PDLIM1: variants seen among roughly 807,000 people sequenced by gnomAD.
PDLIM1 encodes the protein PDZ and LIM domain protein 1.
PDLIM1 carries 25 observed loss-of-function variants against 35.2 expected under a neutral mutation model. The observed-to-expected ratio is 0.71, with a 90% CI of 0.52 to 0.99. The LOEUF (loss-of-function observed/expected upper bound fraction) is 0.99. Ranked by LOEUF, PDLIM1 falls within the 50% of genes least tolerant of loss-of-function variation. The pLI is 0.00. For synonymous variants in PDLIM1, 152 were observed against 154.0 expected, an observed-to-expected ratio of 0.99 and a Z score of 0.10; for missense variants, 363 against 415.3, an observed-to-expected ratio of 0.87 and a Z score of 1.09.
chr10:95,278,450 T>C (rs2035532358), intron 1 of PDLIM1, among the ~76,000 whole-genome samples: 1 of 152,038 alleles, frequency 6.6e-6, no homozygotes. Context: ...CACAGTCTCC[T>C]GGGGGGAGAC....
At chr10:95,263,157 A>AG (rs2035381018) in intron 4 of PDLIM1, among the ~76,000 whole-genome samples, 1 of 151,506 alleles carries the variant, frequency 6.6e-6, no homozygotes, top group African/African-American at 2.4e-5. Context: ...AAAAAAAAAA[A>AG]AAAGACTCAA....
chr10:95,272,092 A>G (rs1307957186), intron 1 of PDLIM1, among the ~76,000 whole-genome samples: 3 of 152,114 alleles, frequency 2.0e-5, no homozygotes, highest in Non-Finnish European at 4.4e-5. Context: ...GTATATTATT[A>G]TATTACTGGT....
chr10:95,238,889 A>G, intron 5 of PDLIM1: 1 of 502,378 alleles, frequency 2.0e-6, no homozygotes, highest in Non-Finnish European at 3.6e-6. Flanking sequence ...CACCTGGCCA[A>G]AGAAAAGCCC....
At chr10:95,288,554 G>GTTT (rs11385391) in intron 1 of PDLIM1, among the ~76,000 whole-genome samples, 3 of 149,078 alleles carry the variant, frequency 2.0e-5, no homozygotes, top group African/African-American at 7.4e-5. Context: ...CACTGCAGAG[G>GTTT]TTTTTTTTTT....
chr10:95,263,683 T>TATAA (rs1172618727), intron 4 of PDLIM1, among the ~76,000 whole-genome samples, 181 bp downstream of exon 4: 1 of 152,222 alleles, frequency 6.6e-6, no homozygotes, highest in Non-Finnish European at 1.5e-5. Context: ...ACAGACACCC[T>TATAA]ATAAAGCAGG....
Position 95,263,950 on chromosome 10 carries a change from G to A in PDLIM1, c.447C>T (p.Gly149=). The A allele has an allele frequency of 1.2e-6, 2 of 1,613,908 alleles. No homozygotes were observed. The highest frequency in any genetic ancestry group is 1.7e-6 in the Non-Finnish European group (2 of 1,179,920). ...VITNQYNNPA[G]LYSSENISNF... is the part of the protein sequence containing the mutation. ...TGGAGATATTTTCAGAAGAGTAGAGGCCAGCTGGGTTGTTGTACTGGTTTG... is the reference window on the plus strand; with the variant it reads ...TGGAGATATTTTCAGAAGAGTAGAGACCAGCTGGGTTGTTGTACTGGTTTG... The change falls in exon 4 of 7, where the codon GGC becomes GGT. Residue 149 remains glycine, a synonymous_variant. Transcript: ENST00000329399.
intron 5 of PDLIM1, among the ~76,000 whole-genome samples, chr10:95,241,720 T>C (rs11188247): frequency 0.16 from 24,807 of 152,172 alleles, 2,304 homozygotes; most frequent in Admixed American, 0.23. Flanking sequence ...AGGGCACTTG[T>C]GTGGTTTGGC....
intron 6 of PDLIM1, 45 bp from the exon 7 acceptor site, chr10:95,238,156 C>T (rs1780194380): frequency 6.4e-7 from 1 of 1,565,020 alleles, no homozygotes; most frequent in South Asian, 1.1e-5. Flanking sequence ...TGACAAGCAC[C>T]TGCAGGTGGC....
intron 3 of PDLIM1, among the ~76,000 whole-genome samples, chr10:95,267,084 G>A (rs1259958442): frequency 6.6e-6 from 1 of 152,216 alleles, no homozygotes; most frequent in African/African-American, 2.4e-5. Flanking sequence ...AATGATGGGT[G>A]AGAAGTTTTT....
intron 4 of PDLIM1, among the ~76,000 whole-genome samples, chr10:95,247,922 G>C (rs1165083429): frequency 6.6e-6 from 1 of 152,260 alleles, no homozygotes; most frequent in African/African-American, 2.4e-5. Flanking sequence ...CTGGTTCACA[G>C]TTTGGTGGTA....
chr10:95,267,359 A>G (rs999649447), intron 3 of PDLIM1, among the ~76,000 whole-genome samples: 1 of 152,150 alleles, frequency 6.6e-6, no homozygotes, highest in Admixed American at 6.5e-5. Flanking sequence ...AAAAATTAAA[A>G]TTTAACAATT....
chr10:95,253,831 T>G (rs2035287910), intron 4 of PDLIM1, among the ~76,000 whole-genome samples: 1 of 152,144 alleles, frequency 6.6e-6, no homozygotes, highest in Admixed American at 6.5e-5. Flanking sequence ...AGGATCTATT[T>G]TAACTATATT....
intron 5 of PDLIM1, among the ~76,000 whole-genome samples, chr10:95,240,139 G>A (rs2035165688): frequency 6.6e-6 from 1 of 152,292 alleles, no homozygotes; most frequent in East Asian, 1.9e-4. Context: ...ATTACTGGAT[G>A]TATACCCAAA....
chr10:95,262,889 T>A (rs1401103603), intron 4 of PDLIM1, among the ~76,000 whole-genome samples: 2 of 152,026 alleles, frequency 1.3e-5, no homozygotes, highest in Non-Finnish European at 2.9e-5. Context: ...ATGCCTGTAA[T>A]CCCGGAAATT....
chr10:95,273,009 T>A (rs2035478256), intron 1 of PDLIM1: 1 of 152,192 alleles, frequency 6.6e-6, no homozygotes, highest in Admixed American at 6.5e-5. Context: ...ATGAACAAGA[T>A]CCAAACTCAT....
intron 4 of PDLIM1, among the ~76,000 whole-genome samples, chr10:95,257,358 C>T (rs915502773): frequency 5.3e-5 from 8 of 151,532 alleles, no homozygotes; most frequent in Non-Finnish European, 1.2e-4. Context: ...TTCTGTACCA[C>T]AAAGGAAACA....
At chr10:95,246,893 A>G (rs1454910231) in intron 5 of PDLIM1, among the ~76,000 whole-genome samples, 1 of 152,150 alleles carries the variant, frequency 6.6e-6, no homozygotes, top group Non-Finnish European at 1.5e-5. Flanking sequence ...CTCAAAGCAA[A>G]TAAATGGCCA....
intron 3 of PDLIM1, among the ~76,000 whole-genome samples, chr10:95,265,293 T>G (rs1268289051): frequency 6.6e-6 from 1 of 152,188 alleles, no homozygotes. Flanking sequence ...AATATTTTTA[T>G]GTTTAAGACT....
chr10:95,254,778 G>T (rs1259403224), intron 4 of PDLIM1, among the ~76,000 whole-genome samples: 1 of 152,044 alleles, frequency 6.6e-6, no homozygotes, highest in Non-Finnish European at 1.5e-5. Flanking sequence ...AAATTAACCA[G>T]ACATAGTGAC....
Sources: gnomAD v4.1 joint callset for allele counts (sites outside exome capture counted in the v4.1 genomes callset) on GRCh38, gnomAD v4.1.1 for gene constraint, MANE v1.5 for transcripts, NCBI Gene and HGNC (gene_info 2026-07-23, HGNC 2026-07-21) for gene names.